Variants in ATL1 observed in about 807,000 individuals in gnomAD.
The protein encoded by ATL1 is atlastin GTPase 1, also known as atlastin-1.
A neutral mutation model predicts 75.5 loss-of-function variants in ATL1; 31 were observed. The observed-to-expected ratio is 0.41, with a 90% CI of 0.31 to 0.55. The LOEUF is 0.55. ATL1 is among the 20% of genes least tolerant of loss of function. The probability of loss-of-function intolerance (pLI) is 0.27; values close to 1 mark genes in which losing one functional copy is unlikely to be tolerated. For missense variants in ATL1, 405 were observed against 662.6 expected (o/e 0.61, Z 4.27); for synonymous variants, 226 against 233.3 (o/e 0.97, Z 0.28).
At chr14:50,554,806 C>T (rs2038745190) in intron 1 of ATL1, among the ~76,000 whole-genome samples, 2 of 152,170 alleles carry the variant, frequency 1.3e-5, no homozygotes, top group African/African-American at 4.8e-5. Flanking sequence ...CTCATCCACT[C>T]GCTGGGCTGG....
intron 1 of ATL1, among the ~76,000 whole-genome samples, chr14:50,541,502 A>G (rs896799964): frequency 2.8e-4 from 42 of 152,278 alleles, no homozygotes; most frequent in Admixed American, 1.0e-3. Flanking sequence ...TTTTGAGACA[A>G]TGTACTGCAT....
At chr14:50,582,922 TTGC>T (rs1231535037) in intron 1 of ATL1, among the ~76,000 whole-genome samples, 1 of 152,218 alleles carries the variant, frequency 6.6e-6, no homozygotes, top group Non-Finnish European at 1.5e-5. Context: ...TATATATTAT[TTGC>T]TACACTGATA....
chr14:50,615,237 G>A (rs976275882), intron 8 of ATL1, among the ~76,000 whole-genome samples: 2 of 152,176 alleles, frequency 1.3e-5, no homozygotes, highest in African/African-American at 4.8e-5. Flanking sequence ...TCAAAGACAT[G>A]ACTTTTTAAC....
intron 6 of ATL1, among the ~76,000 whole-genome samples, chr14:50,609,687 C>T (rs2039346138): frequency 6.6e-6 from 1 of 152,040 alleles, no homozygotes; most frequent in Non-Finnish European, 1.5e-5. Context: ...CAATTTTATT[C>T]TAGCTCTGCC....
At chr14:50,555,114 G>A (rs1345455021) in intron 1 of ATL1, among the ~76,000 whole-genome samples, 2 of 152,174 alleles carry the variant, frequency 1.3e-5, no homozygotes, top group African/African-American at 4.8e-5. Context: ...CCCTTAGAGA[G>A]AATGGATATA....
chr14:50,538,363 C>T (rs2038519583), intron 1 of ATL1, among the ~76,000 whole-genome samples: 1 of 152,120 alleles, frequency 6.6e-6, no homozygotes, highest in Non-Finnish European at 1.5e-5. Context: ...TCTTTATCAG[C>T]AGTGTGAAAA....
chr14:50,576,316 A>G (rs1308158185), intron 1 of ATL1, among the ~76,000 whole-genome samples: 2 of 152,176 alleles, frequency 1.3e-5, no homozygotes, highest in Admixed American at 1.3e-4. Flanking sequence ...TGATGGTTTT[A>G]TCAGGATGTA....
At chr14:50,631,806 C>G (rs1387337583) in intron 13 of ATL1, among the ~76,000 whole-genome samples, 1 of 152,118 alleles carries the variant, frequency 6.6e-6, no homozygotes, top group Non-Finnish European at 1.5e-5. Context: ...ATAAAATTGG[C>G]CCCACTCAGG....
At chr14:50,608,402 C>G (rs2039334229) in intron 6 of ATL1, among the ~76,000 whole-genome samples, 1 of 151,870 alleles carries the variant, frequency 6.6e-6, no homozygotes. Flanking sequence ...GTTATTAAAC[C>G]TTTAATAGCT....
intron 1 of ATL1, among the ~76,000 whole-genome samples, chr14:50,554,833 C>G (rs1307115653): frequency 3.3e-5 from 5 of 152,156 alleles, no homozygotes; most frequent in Admixed American, 3.3e-4. Flanking sequence ...CTGAGTCATT[C>G]TTCAGTCTCT....
intron 1 of ATL1, among the ~76,000 whole-genome samples, chr14:50,533,863 C>T (rs2038456734): frequency 6.6e-6 from 1 of 152,184 alleles, no homozygotes; most frequent in Non-Finnish European, 1.5e-5. Context: ...CTTAACAGGA[C>T]AGGGCATATA....
At chr14:50,597,662 A>G (rs1181215462) in intron 6 of ATL1, among the ~76,000 whole-genome samples, 1 of 152,182 alleles carries the variant, frequency 6.6e-6, no homozygotes, top group Non-Finnish European at 1.5e-5. Flanking sequence ...ATATTATGTG[A>G]TAACATTTTT....
intron 1 of ATL1, among the ~76,000 whole-genome samples, chr14:50,582,377 C>G (rs987369512): frequency 6.6e-6 from 1 of 151,594 alleles, no homozygotes; most frequent in East Asian, 1.9e-4. Context: ...TTCAAAGAAC[C>G]GTTCACTCCA....
chr14:50,538,099 G>A (rs2038516839), intron 1 of ATL1, among the ~76,000 whole-genome samples: 1 of 152,172 alleles, frequency 6.6e-6, no homozygotes, highest in African/African-American at 2.4e-5. Flanking sequence ...GAGGGACCTG[G>A]TGGGAGGTAA....
intron 1 of ATL1, among the ~76,000 whole-genome samples, chr14:50,540,364 G>A (rs2038545922): frequency 6.6e-6 from 1 of 152,184 alleles, no homozygotes; most frequent in African/African-American, 2.4e-5. Context: ...CTCTGTAACA[G>A]AGATTCAAGA....
At position 50,591,010 on chromosome 14, in the gene ATL1, C is replaced by T. The variant is rs754423972; in HGVS notation, c.352C>T (p.Arg118Ter). Residue 118 changes from arginine to a stop codon, truncating the protein, a stop_gained, in exon 3 of 14, where the codon CGA (arginine) becomes TGA (stop). Coordinates refer to ENST00000358385, the MANE Select transcript of ATL1 (RefSeq NM_015915.5). LOFTEE classifies it high-confidence loss of function. Reference sequence around the variant, plus strand: ...TTTTTCATGGAGAGGTGGATCTGAGCGAGAGACCACAGGAATTCAGATATG... The same window carrying T: ...TTTTTCATGGAGAGGTGGATCTGAGTGAGAGACCACAGGAATTCAGATATG... Reference protein sequence around the residue: ...TGFSWRGGSERETTGIQIWSE... With the variant: ...TGFSWRGGSE 3 of 1,613,310 alleles carry T rather than the reference C, an allele frequency of 1.9e-6. No individual in the cohort carries two copies. The highest frequency in any genetic ancestry group is 2.5e-6 in the Non-Finnish European group (3 of 1,179,466).
chr14:50,579,317 G>A (rs1344078147), intron 1 of ATL1, among the ~76,000 whole-genome samples: 1 of 152,060 alleles, frequency 6.6e-6, no homozygotes, highest in African/African-American at 2.4e-5. Flanking sequence ...GTGTGGGTCT[G>A]TAGTCTTTTC....
chr14:50,546,626 T>G (rs1013195794), intron 1 of ATL1, among the ~76,000 whole-genome samples: 3 of 152,212 alleles, frequency 2.0e-5, no homozygotes, highest in African/African-American at 7.2e-5. Context: ...TTGTCTAGGT[T>G]TACTGATTAG....
Position 50,560,453 on chromosome 14 carries a change from AG to A in ATL1, c.34+156del, listed in dbSNP as rs1262991177. The A allele has an allele frequency of 4.8e-6, 5 of 1,043,286 alleles. No individual in the cohort carries two copies. The East Asian group carries it at 1.3e-4, about 27-fold the overall frequency. The allele number at this position is 1,043,286 out of a possible 1,614,324, so 64.6% of individuals were successfully genotyped here. On this transcript the variant is annotated intron_variant, in intron 1 of 13. Transcript: ENST00000358385. ...GCCGAGCCGCTCCCTGTTTGGGCGG[AG>A]GAACCATGGCCGAGCGGTACCCGCG...
Sources: allele counts gnomAD v4.1 joint callset (sites outside exome capture counted in the v4.1 genomes callset), GRCh38; gene constraint gnomAD v4.1.1; transcripts MANE v1.5; gene names NCBI Gene and HGNC (gene_info 2026-07-23, HGNC 2026-07-21).